Variants in CYLC2 observed in about 807,000 individuals in gnomAD.
CYLC2 encodes the protein cylicin 2.
In CYLC2, 30 loss-of-function variants were observed where a neutral mutation model predicts 26.1. The ratio of observed to expected loss-of-function variants is 1.15; its 90% CI spans 0.86 to 1.56. The LOEUF is 1.56. Ranked by LOEUF, CYLC2 falls within the 40% of genes most tolerant of loss-of-function variation. The pLI, the probability that CYLC2 is intolerant of heterozygous loss-of-function variation, is 0.00. For missense variants in CYLC2, 498 were observed against 394.4 expected (o/e 1.26, Z -2.23); for synonymous variants, 158 against 132.8 (o/e 1.19, Z -1.31).
intron 5 of CYLC2, among the ~76,000 whole-genome samples, chr9:103,011,484 T>C (rs1334641683): frequency 5.9e-5 from 9 of 152,056 alleles, no homozygotes; most frequent in Admixed American, 2.6e-4. Context: ...GTGACAGTCA[T>C]TCTGTAATGG....
intron 2 of CYLC2, among the ~76,000 whole-genome samples, chr9:103,002,611 C>T (rs1338269901): frequency 6.6e-6 from 1 of 151,952 alleles, no homozygotes; most frequent in Non-Finnish European, 1.5e-5. Context: ...CTCGGCTTCC[C>T]AAAGTGCTGG....
intron 6 of CYLC2, among the ~76,000 whole-genome samples, chr9:103,016,349 AG>A (rs575572135): frequency 4.3e-3 from 648 of 152,166 alleles, no homozygotes; most frequent in Admixed American, 8.1e-3. Context: ...ACAATGCTCC[AG>A]GAAGAAGCTC....
intron 5 of CYLC2, among the ~76,000 whole-genome samples, chr9:103,008,020 C>T (rs184451924): frequency 6.6e-6 from 1 of 152,176 alleles, no homozygotes; most frequent in East Asian, 1.9e-4. Context: ...GTTCTCCTCC[C>T]ACTCCCTCTA....
In CYLC2 at chr9:103,005,159, A is replaced by C; in HGVS notation, c.528A>C (p.Thr176=). The change falls in exon 5 of 8, where the codon ACA becomes ACC. Residue 176 remains threonine, a synonymous_variant. Coordinates refer to ENST00000374798, the MANE Select transcript of CYLC2 (RefSeq NM_001340.5). ...CAGAGAAGGGCAAAGACTCAGCAAC[A>C]GAATCTGAAGATGAAAAAGGAGGTG... The part of the protein sequence containing the change: ...KDAEKGKDSA[T]ESEDEKGGAK... 6.2e-7 allele frequency: 1 copy of C among 1,605,954 alleles called. No homozygotes were observed. Among genetic ancestry groups the C allele is most frequent in the Non-Finnish European group, 8.5e-7 (1 of 1,177,858 alleles).
intron 6 of CYLC2, among the ~76,000 whole-genome samples, chr9:103,013,147 A>T (rs940126795): frequency 2.9e-4 from 11 of 37,648 alleles, no homozygotes; most frequent in East Asian, 1.1e-3. Flanking sequence ...TAAATATATC[A>T]TATATAAATA....
At position 103,012,801 on chromosome 9, in the gene CYLC2, T is replaced by C. The variant is rs760379088; in HGVS notation, c.*816+704T>C. 4.3e-4 allele frequency among the ~76,000 whole-genome samples: 65 copies of C among 151,744 alleles called. 1 individual carries two copies. The highest frequency in any genetic ancestry group is 7.8e-4 in the Non-Finnish European group (53 of 67,882). On this transcript the variant is annotated intron_variant, in intron 6 of 7. Transcript: ENST00000374798. ...GTGGTTTATTTTATACTTTCTCAGT[T>C]ATTGGATGCAAAAGAAAATAGCTGC...
chr9:102,996,938 T>C (rs530957941), intron 1 of CYLC2, among the ~76,000 whole-genome samples: 17 of 152,112 alleles, frequency 1.1e-4, no homozygotes, highest in East Asian at 1.9e-4. Flanking sequence ...CTAAGATTTC[T>C]GAAACAGGTA....
intron 5 of CYLC2, 35 bp from the exon 6 acceptor site, chr9:103,011,947 C>CTTTTTTTTTTTTT (rs776460013): frequency 4.7e-5 from 3 of 64,078 alleles, no homozygotes; most frequent in African/African-American, 1.2e-4. Context: ...AGATCATTCT[C>CTTTTTTTTTTTTT]TTTTTTTTTT....
intron 5 of CYLC2, among the ~76,000 whole-genome samples, chr9:103,011,238 T>C (rs1011663866): frequency 1.5e-4 from 23 of 152,168 alleles, no homozygotes; most frequent in African/African-American, 4.3e-4. Flanking sequence ...TGCATTGTTC[T>C]CCATTCTTTT....
chr9:103,013,845 T>C (rs1419264292), intron 6 of CYLC2, among the ~76,000 whole-genome samples: 19 of 92,396 alleles, frequency 2.1e-4, no homozygotes, highest in African/African-American at 7.4e-4. Flanking sequence ...ATAATAAAGA[T>C]AATACAATGT....
intron 6 of CYLC2, among the ~76,000 whole-genome samples, chr9:103,014,165 G>A (rs1587855930): frequency 8.9e-6 from 1 of 112,770 alleles, no homozygotes; most frequent in African/African-American, 3.7e-5. Flanking sequence ...TATATAATAT[G>A]AATATTATAT....
intron 1 of CYLC2, among the ~76,000 whole-genome samples, 158 bp downstream of exon 1, chr9:102,995,555 A>AT (rs1469941852): frequency 6.6e-6 from 1 of 151,924 alleles, no homozygotes; most frequent in Non-Finnish European, 1.5e-5. Flanking sequence ...AACATAATAG[A>AT]TTTTTTTGAT....
chr9:103,014,524 T>TGCAATATACATCATATGTATGTTAC (rs1829468450), intron 6 of CYLC2, among the ~76,000 whole-genome samples: 2 of 114,310 alleles, frequency 1.7e-5, no homozygotes, highest in African/African-American at 6.5e-5. Context: ...ACATAATATA[T>TGCAATATACATCATATGTATGTTAC]GCAATATACA....
chr9:103,004,807 C>T lies in CYLC2; in HGVS notation c.293C>T (p.Pro98Leu), dbSNP rs1829322649. The T allele has an allele frequency of 1.9e-6, 3 of 1,612,690 alleles. No individual in the cohort carries two copies. The highest frequency in any genetic ancestry group is 2.5e-6 in the Non-Finnish European group (3 of 1,179,566). ...PSVYLAARRQ[P>L]LKPTRTVEVD... The stretch of plus-strand genomic sequence containing the variant: ...GTTTATTTAGCTGCCAGGAGGCAGC[C>T]TCTCAAACCAACTCGTACTGTCGAG... Residue 98 changes from proline to leucine, a missense_variant, in exon 4 of 8, where the codon CCT (proline) becomes CTT (leucine). Transcript: ENST00000374798.
At position 103,006,034 on chromosome 9, in the gene CYLC2, ACACACACACAC is replaced by A. The variant is rs2118242428; in HGVS notation, c.*357_*367del. On this transcript the variant is annotated 3_prime_UTR_variant, in exon 5 of 8. Transcript: ENST00000374798. Reference sequence around the variant, plus strand: ...AATCTATGGACACACACACACACACACACACACACACACACACACACACACACACACACACA... The same window carrying A: ...AATCTATGGACACACACACACACACAACACACACACACACACACACACACA... The A allele has an allele frequency of 7.9e-6, 1 of 126,646 alleles. No homozygotes were observed. Among genetic ancestry groups the A allele is most frequent in the East Asian group, 2.9e-4 (1 of 3,462 alleles). The allele number at this position is 126,646 out of a possible 1,614,324, so 7.8% of individuals were successfully genotyped here.
At position 103,015,303 on chromosome 9, in the gene CYLC2, T is replaced by C. The variant is rs1296205000; in HGVS notation, c.*817-1585T>C. Among the ~76,000 whole-genome samples, 12 of 131,138 alleles carry C rather than the reference T, an allele frequency of 9.2e-5. No homozygotes were observed. In the East Asian group the frequency reaches 2.6e-3, roughly 28 times the overall value. The allele number at this position is 131,138 out of a possible 152,430, so 86.0% of individuals were successfully genotyped here. ...TATTATATAATATAATTATATGTTA[T>C]AATATATATTATATATAACATATAC... On this transcript the variant is annotated intron_variant, in intron 6 of 7. Coordinates refer to ENST00000374798, the MANE Select transcript of CYLC2 (RefSeq NM_001340.5).
At chr9:102,997,862 G>A (rs1829253149) in intron 1 of CYLC2, among the ~76,000 whole-genome samples, 1 of 151,714 alleles carries the variant, frequency 6.6e-6, no homozygotes, top group Non-Finnish European at 1.5e-5. Flanking sequence ...AACAAACTTG[G>A]TTAAAGGTTT....
chr9:103,002,340 T>G (rs920738018), intron 2 of CYLC2, among the ~76,000 whole-genome samples: 2 of 149,532 alleles, frequency 1.3e-5, no homozygotes, highest in African/African-American at 4.9e-5. Context: ...CATTCTTGGG[T>G]GTATAGCATT....
At position 103,005,189 on chromosome 9, in the gene CYLC2, G is replaced by A; in HGVS notation, c.558G>A (p.Lys186=). The stretch of plus-strand genomic sequence containing the variant: ...CTGAAGATGAAAAAGGAGGTGCAAA[G>A]AAAGATAACAAAAAAGATAAAAAGG... The part of the protein sequence containing the change: ...TESEDEKGGA[K]KDNKKDKKDS... Residue 186 remains lysine, a synonymous_variant, in exon 5 of 8, where the codon AAG becomes AAA. Transcript: ENST00000374798. The A allele has an allele frequency of 6.2e-7, 1 of 1,606,820 alleles. No homozygotes were observed. The highest frequency in any genetic ancestry group is 8.5e-7 in the Non-Finnish European group (1 of 1,178,146).
Sources: allele counts gnomAD v4.1 joint callset (sites outside exome capture counted in the v4.1 genomes callset), GRCh38; gene constraint gnomAD v4.1.1; transcripts MANE v1.5; gene names NCBI Gene and HGNC (gene_info 2026-07-23, HGNC 2026-07-21).